Variants in RBKS observed in about 807,000 individuals in gnomAD.
The protein encoded by RBKS is ribokinase.
RBKS carries 33 observed loss-of-function variants against 33.9 expected under a neutral mutation model. The ratio of observed to expected loss-of-function variants is 0.97; its 90% CI spans 0.74 to 1.30. The LOEUF is 1.30. Ranked by LOEUF, RBKS falls within the 50% of genes most tolerant of loss-of-function variation. RBKS has a pLI of 0.00. For synonymous variants in RBKS, 125 were observed against 143.0 expected (o/e 0.87, Z 0.90); for missense variants, 361 against 392.6 (o/e 0.92, Z 0.68).
intron 6 of RBKS, among the ~76,000 whole-genome samples, chr2:27,832,305 T>G (rs1678432672): frequency 6.6e-6 from 1 of 152,224 alleles, no homozygotes; most frequent in Non-Finnish European, 1.5e-5. Flanking sequence ...GGTATGTTAT[T>G]TATTATCTAT....
Position 27,832,695 on chromosome 2 carries a change from A to G in RBKS, c.597T>C (p.Asn199=). 1.2e-6 allele frequency: 2 copies of G among 1,610,814 alleles called. No homozygotes were observed. Among genetic ancestry groups the G allele is most frequent in the Non-Finnish European group, 1.7e-6 (2 of 1,177,238 alleles). ...FYTLSDVFCC[N]ESEAEILTGL... is the part of the protein sequence containing the mutation. ...AGCAATTCACCCTTACCTCACTTTC[A>G]TTGCAGCAGAACACATCTGAGAGGG... Residue 199 remains asparagine (N), a synonymous_variant, in exon 6 of 8, where the codon AAT becomes AAC. Coordinates refer to ENST00000302188, the MANE Select transcript of RBKS (RefSeq NM_022128.3).
intron 7 of RBKS, among the ~76,000 whole-genome samples, chr2:27,817,926 C>T (rs529887022): frequency 1.3e-5 from 2 of 152,292 alleles, no homozygotes; most frequent in East Asian, 3.9e-4. Context: ...CACCAGGTCC[C>T]TCCCTCAACA....
chr2:27,810,124 C>T lies in RBKS; in HGVS notation c.795+17443G>A. ...GAAAGCTGGTGTGGATGATTCACAA[C>T]CAACTGTGTATGTCTTGGCTGGTGC... On this transcript the variant is annotated intron_variant, in intron 7 of 7. Transcript: ENST00000302188. The surrounding 1 kb of genome is among the most constrained non-coding windows in gnomAD (Gnocchi z 4.4). The T allele has an allele frequency of 1.5e-6, 2 of 1,295,932 alleles. No homozygotes were observed. The highest frequency in any genetic ancestry group is 2.1e-4 in the Middle Eastern group (1 of 4,678). The allele number at this position is 1,295,932 out of a possible 1,614,324, so 80.3% of individuals were successfully genotyped here. A position where few individuals can be genotyped will look rare whatever the true frequency, so the allele number is the denominator to read the frequency against.
rs4666012 is a variant in RBKS, at chr2:27,795,426, A to G, written c.796-13638T>C. On this transcript the variant is annotated intron_variant, in intron 7 of 7. Transcript: ENST00000302188. The surrounding 1 kb of genome is among the most constrained non-coding windows in gnomAD (Gnocchi z 4.1). ...GAAAAACTCTTTGAAATTTAAACAT[A>G]AAAGGGGCAGAAAAGGCCTTGTACT... 0.27 allele frequency among the ~76,000 whole-genome samples: 41,570 copies of G among 151,982 alleles called. 6,424 individuals carry two copies. Among genetic ancestry groups the G allele is most frequent in the East Asian group, 0.59 (3,041 of 5,164 alleles).
chr2:27,862,139 G>A (rs561717735), intron 1 of RBKS, among the ~76,000 whole-genome samples: 17 of 151,700 alleles, frequency 1.1e-4, no homozygotes, highest in East Asian at 9.7e-4. Context: ...TTATAGAGAC[G>A]GGGTTTTGCC....
At chr2:27,785,394 T>G (rs1677377760) in intron 7 of RBKS, among the ~76,000 whole-genome samples, 1 of 152,080 alleles carries the variant, frequency 6.6e-6, no homozygotes, top group African/African-American at 2.4e-5. Flanking sequence ...TGAATAAAGA[T>G]ATAGGCCTGC....
Position 27,810,036 on chromosome 2 carries a change from C to T in RBKS, c.795+17531G>A, listed in dbSNP as rs1210538353. The stretch of plus-strand genomic sequence containing the variant: ...GCTGCTTCACTCTTGGGTCTTGAGC[C>T]AGGTCTACACTGTGAAAATGAAGGA... On this transcript the variant is annotated intron_variant, in intron 7 of 7. Transcript: ENST00000302188. This position sits in a 1 kb window ranked among gnomAD's most constrained non-coding sequence, Gnocchi z 4.4. The T allele has an allele frequency of 3.3e-5, 43 of 1,303,996 alleles. No individual in the cohort carries two copies. Among genetic ancestry groups the T allele is most frequent in the Non-Finnish European group, 3.9e-5 (39 of 988,936 alleles). 80.8% of individuals were successfully genotyped at this position (1,303,996 alleles called of 1,614,324 possible).
chr2:27,798,147 C>T (rs962658996), intron 7 of RBKS, among the ~76,000 whole-genome samples: 6 of 151,940 alleles, frequency 3.9e-5, no homozygotes, highest in South Asian at 2.1e-4. Flanking sequence ...GTCATGTAGG[C>T]GCCCAAGTCC....
At chr2:27,838,135 G>C in intron 5 of RBKS, among the ~76,000 whole-genome samples, 1 of 152,142 alleles carries the variant, frequency 6.6e-6, no homozygotes, top group Non-Finnish European at 1.5e-5. Flanking sequence ...GGGAGGTGGA[G>C]GCTGCAGTGA....
At chr2:27,803,782 C>A (rs1436558518) in intron 7 of RBKS, among the ~76,000 whole-genome samples, 1 of 151,890 alleles carries the variant, frequency 6.6e-6, no homozygotes, top group Non-Finnish European at 1.5e-5. Flanking sequence ...TGCGGTGACT[C>A]ACGCCTGTAA....
At chr2:27,822,282 C>T (rs1416385823) in intron 7 of RBKS, among the ~76,000 whole-genome samples, 1 of 152,132 alleles carries the variant, frequency 6.6e-6, no homozygotes, top group East Asian at 1.9e-4. Context: ...GTTCTGAGTA[C>T]ATTTTGCAAT....
chr2:27,865,105 G>A (rs1664067040), intron 1 of RBKS, among the ~76,000 whole-genome samples: 1 of 152,172 alleles, frequency 6.6e-6, no homozygotes, highest in African/African-American at 2.4e-5. Context: ...CAGATCACGA[G>A]GTCAGGAGAT....
At chr2:27,879,260 C>A (rs562323583) in intron 1 of RBKS, among the ~76,000 whole-genome samples, 14 of 152,166 alleles carry the variant, frequency 9.2e-5, no homozygotes, top group Non-Finnish European at 1.9e-4. Context: ...CTTTTTGAGT[C>A]TGCCTTCTTC....
At chr2:27,874,689 C>T (rs1282630462) in intron 1 of RBKS, among the ~76,000 whole-genome samples, 2 of 152,340 alleles carry the variant, frequency 1.3e-5, no homozygotes, top group South Asian at 2.1e-4. Context: ...CACATTCACT[C>T]TACTTCATAG....
At chr2:27,840,350 ACACACGCGCGCG>A (rs1313309831) in intron 5 of RBKS, among the ~76,000 whole-genome samples, 324 of 137,078 alleles carry the variant, frequency 2.4e-3, no homozygotes, top group Middle Eastern at 3.5e-3. Context: ...ACACACACAC[ACACACGCGCGCG>A]CGCACACACA....
intron 7 of RBKS, among the ~76,000 whole-genome samples, chr2:27,798,640 A>G (rs1677709521): frequency 1.3e-5 from 2 of 151,906 alleles, no homozygotes; most frequent in African/African-American, 2.4e-5. Context: ...CATCCTCTAC[A>G]CTACTGCAAA....
chr2:27,886,739 A>T (rs908729217), intron 1 of RBKS, among the ~76,000 whole-genome samples: 8 of 152,078 alleles, frequency 5.3e-5, no homozygotes, highest in African/African-American at 1.9e-4. Flanking sequence ...ATATATATTT[A>T]AAAAAATAAA....
chr2:27,832,047 A>C (rs1678427660), intron 6 of RBKS, among the ~76,000 whole-genome samples: 1 of 152,226 alleles, frequency 6.6e-6, no homozygotes, highest in Admixed American at 6.5e-5. Flanking sequence ...GCTTATAAAA[A>C]GGGAGAAATA....
At chr2:27,840,121 A>T (rs998771295) in intron 5 of RBKS, among the ~76,000 whole-genome samples, 3 of 148,614 alleles carry the variant, frequency 2.0e-5, no homozygotes, top group African/African-American at 7.5e-5. Context: ...CTGGGTTCAC[A>T]CCATTCTCCT....
Sources: gnomAD v4.1 joint callset for allele counts (sites outside exome capture counted in the v4.1 genomes callset) on GRCh38, gnomAD v4.1.1 for gene constraint, Gnocchi (gnomAD v3.1) non-coding constraint, MANE v1.5 for transcripts, NCBI Gene and HGNC (gene_info 2026-07-23, HGNC 2026-07-21) for gene names.